The following SRGAP3 variants were observed in gnomAD, a reference collection of about 807,000 sequenced individuals.
SRGAP3 encodes the protein SLIT-ROBO Rho GTPase-activating protein 3.
Under a neutral mutation model 121.1 loss-of-function variants are expected in SRGAP3, and 39 were observed. The ratio of observed to expected loss-of-function variants is 0.32; its 90% CI spans 0.25 to 0.42. SRGAP3 has a LOEUF of 0.42. SRGAP3 is among the 10% of genes least tolerant of loss of function. The pLI is 1.00. For synonymous variants in SRGAP3, 601 were observed against 570.0 expected, an observed-to-expected ratio of 1.05 and a Z score of -0.77; for missense variants, 1,213 against 1,470.6, an observed-to-expected ratio of 0.82 and a Z score of 2.86.
chr3:9,263,940 T>C (rs1452340538), intron 3 of SRGAP3, among the ~76,000 whole-genome samples: 1 of 152,108 alleles, frequency 6.6e-6, no homozygotes, highest in African/African-American at 2.4e-5. Context: ...CAGGCCAATA[T>C]CCCTGATGAA....
At chr3:9,140,745 T>A (rs780829927) in intron 1 of SRGAP3, among the ~76,000 whole-genome samples, 28 of 152,272 alleles carry the variant, frequency 1.8e-4, no homozygotes, top group Non-Finnish European at 3.8e-4. Flanking sequence ...GGCCATAGGT[T>A]GCCAACTCCT....
chr3:9,182,175 CAAAAAAAAAAA>C (rs34305216), intron 1 of SRGAP3, among the ~76,000 whole-genome samples: 2 of 37,282 alleles, frequency 5.4e-5, no homozygotes, highest in African/African-American at 2.8e-4. Flanking sequence ...GACTCTGTCT[CAAAAAAAAAAA>C]AAAAAAAAAA....
At chr3:9,349,881 T>C (rs1398102673) in intron 1 of SRGAP3, 1 of 152,140 alleles carries the variant, frequency 6.6e-6, no homozygotes, top group Non-Finnish European at 1.5e-5. Flanking sequence ...TGCTGTGTGT[T>C]TTGGAATCCC....
intron 3 of SRGAP3, among the ~76,000 whole-genome samples, chr3:9,091,032 A>G (rs564017409): frequency 6.6e-6 from 1 of 152,122 alleles, no homozygotes; most frequent in South Asian, 2.1e-4. Context: ...CTATGTCTAA[A>G]AAAAAAATAC....
chr3:9,280,252 A>T (rs1212586350), intron 3 of SRGAP3, among the ~76,000 whole-genome samples: 1 of 152,228 alleles, frequency 6.6e-6, no homozygotes, highest in Admixed American at 6.5e-5. Flanking sequence ...TGTGAACCAG[A>T]CAGGCAAACA....
At chr3:9,079,937 T>C (rs1947161040) in intron 4 of SRGAP3, 88 bp downstream of exon 4, 2 of 1,466,746 alleles carry the variant, frequency 1.4e-6, no homozygotes, top group African/African-American at 2.8e-5. Context: ...CTGGGGTCAT[T>C]CCAGACCTCT....
At chr3:9,029,909 T>C (rs1228761285) in intron 12 of SRGAP3, among the ~76,000 whole-genome samples, 2 of 152,002 alleles carry the variant, frequency 1.3e-5, no homozygotes, top group Non-Finnish European at 1.5e-5. Context: ...TGGGAGGCCC[T>C]TGGGAAGGAT....
At chr3:9,014,067 G>T (rs974988040) in intron 15 of SRGAP3, 7 of 588,542 alleles carry the variant, frequency 1.2e-5, no homozygotes, top group Admixed American at 2.5e-5. Flanking sequence ...AATCAGAGTC[G>T]ACTCTCCGGA....
At chr3:9,334,195 A>C (rs143040088) in intron 1 of SRGAP3, among the ~76,000 whole-genome samples, 1 of 152,164 alleles carries the variant, frequency 6.6e-6, no homozygotes, top group Non-Finnish European at 1.5e-5. Flanking sequence ...AATTATTTCA[A>C]AATAAAGTTT....
chr3:9,089,156 T>C (rs930018197), intron 3 of SRGAP3, among the ~76,000 whole-genome samples: 2 of 152,076 alleles, frequency 1.3e-5, no homozygotes, highest in African/African-American at 4.8e-5. Context: ...CCCAAAGTGC[T>C]GGGATTACAG....
intron 1 of SRGAP3, among the ~76,000 whole-genome samples, chr3:9,351,834 C>T (rs1278278511): frequency 1.3e-5 from 2 of 152,180 alleles, no homozygotes; most frequent in Non-Finnish European, 2.9e-5. Context: ...AAAATGGATT[C>T]TCTGTGGCTC....
In SRGAP3 at chr3:9,163,632, C is replaced by G. The variant is rs113723392; in HGVS notation, c.68-38715G>C. Among the ~76,000 whole-genome samples the G allele has an allele frequency of 4.9e-4, 74 of 152,304 alleles. 1 individual carries two copies. The highest frequency in any genetic ancestry group is 1.8e-3 in the African/African-American group (73 of 41,568). On this transcript the variant is annotated intron_variant, in intron 1 of 21. Coordinates refer to ENST00000383836, the MANE Select transcript of SRGAP3 (RefSeq NM_014850.4). ...TACACAGGAAAAAGGTGGCAGACCC[C>G]AAAGGGCTTCCAGATGTTGGGATCG...
intron 18 of SRGAP3, among the ~76,000 whole-genome samples, chr3:9,003,889 T>G (rs559478600): frequency 1.3e-4 from 20 of 152,272 alleles, no homozygotes; most frequent in African/African-American, 4.6e-4. Flanking sequence ...CTGGAGATTC[T>G]AGCTGGGCCA....
At chr3:9,114,804 C>T (rs1034684959) in intron 2 of SRGAP3, among the ~76,000 whole-genome samples, 3 of 152,116 alleles carry the variant, frequency 2.0e-5, no homozygotes, top group Non-Finnish European at 2.9e-5. Flanking sequence ...CGATCCATGG[C>T]TTCCTGATTG....
At chr3:9,153,317 A>G (rs1241158050) in intron 1 of SRGAP3, among the ~76,000 whole-genome samples, 1 of 152,244 alleles carries the variant, frequency 6.6e-6, no homozygotes, top group South Asian at 2.1e-4. Context: ...GCATTTGCCT[A>G]GCATTTTACA....
intron 3 of SRGAP3, among the ~76,000 whole-genome samples, chr3:9,276,907 C>A (rs1246581379): frequency 6.6e-6 from 1 of 152,202 alleles, no homozygotes; most frequent in African/African-American, 2.4e-5. Context: ...TGAGCACTTA[C>A]CCTGCGCTCA....
chr3:9,019,351 C>T (rs529555866), intron 14 of SRGAP3, among the ~76,000 whole-genome samples: 3 of 152,234 alleles, frequency 2.0e-5, no homozygotes, highest in Non-Finnish European at 4.4e-5. Context: ...TTGTTTTCCA[C>T]AGCCCTGCCC....
At chr3:9,310,272 A>G (rs974593351) in intron 3 of SRGAP3, among the ~76,000 whole-genome samples, 2 of 152,110 alleles carry the variant, frequency 1.3e-5, no homozygotes, top group African/African-American at 4.8e-5. Context: ...TATAAGCACA[A>G]AGGTAGAATG....
chr3:9,115,584 A>G (rs1038482871), intron 2 of SRGAP3, among the ~76,000 whole-genome samples: 1 of 152,196 alleles, frequency 6.6e-6, no homozygotes, highest in Non-Finnish European at 1.5e-5. Context: ...AGCTACAGCC[A>G]TTGCAAAATC....
Sources: gnomAD v4.1 joint callset for allele counts (sites outside exome capture counted in the v4.1 genomes callset) on GRCh38, gnomAD v4.1.1 for gene constraint, MANE v1.5 for transcripts, NCBI Gene and HGNC (gene_info 2026-07-23, HGNC 2026-07-21) for gene names.